Variants in IMMP2L observed in about 807,000 individuals in gnomAD.
IMMP2L encodes inner mitochondrial membrane peptidase subunit 2.
In IMMP2L, 18 loss-of-function variants were observed where a neutral mutation model predicts 19.3. That is an observed-to-expected ratio of 0.93 (90% CI 0.64 to 1.38). IMMP2L has a LOEUF of 1.38. IMMP2L is among the 40% of genes most tolerant of loss of function. The pLI is 0.00. For synonymous variants in IMMP2L, 76 were observed against 73.0 expected, an observed-to-expected ratio of 1.04 and a Z score of -0.21; for missense variants, 233 against 218.2, an observed-to-expected ratio of 1.07 and a Z score of -0.43.
chr7:111,205,939 C>T (rs1189894597), intron 3 of IMMP2L, among the ~76,000 whole-genome samples: 9 of 152,144 alleles, frequency 5.9e-5, no homozygotes. Context: ...TGGCTGGAAG[C>T]CTTTATGCAT....
intron 3 of IMMP2L, among the ~76,000 whole-genome samples, chr7:111,190,516 A>T (rs1445324885): frequency 6.6e-6 from 1 of 152,176 alleles, no homozygotes; most frequent in African/African-American, 2.4e-5. Context: ...TCACTCCGTT[A>T]TGCACCAATA....
In IMMP2L at chr7:111,167,923, A is replaced by AT. The variant is rs569982054; in HGVS notation, c.240-204359dup. On this transcript the variant is annotated intron_variant, in intron 3 of 5. Transcript: ENST00000405709. Reference sequence around the variant, plus strand: ...ACCTTTTCCATTAACTACTCTGCTTATTTTTTTTATTTTGCAGATCTCTGC... The same window carrying AT: ...ACCTTTTCCATTAACTACTCTGCTTATTTTTTTTTATTTTGCAGATCTCTGC... 1.4e-3 allele frequency among the ~76,000 whole-genome samples: 205 copies of AT among 151,702 alleles called. 1 individual carries two copies. The highest frequency in any genetic ancestry group is 4.7e-3 in the African/African-American group (196 of 41,418).
intron 3 of IMMP2L, among the ~76,000 whole-genome samples, chr7:110,967,627 C>T (rs914897128): frequency 1.3e-5 from 2 of 152,016 alleles, no homozygotes; most frequent in Non-Finnish European, 2.9e-5. Flanking sequence ...ACACTATTTA[C>T]ATTGCATATA....
At chr7:110,694,879 TC>T (rs890560299) in intron 5 of IMMP2L, among the ~76,000 whole-genome samples, 3 of 151,764 alleles carry the variant, frequency 2.0e-5, no homozygotes, top group Non-Finnish European at 4.4e-5. Flanking sequence ...AAAAGATTAT[TC>T]ATCTATAAAA....
At chr7:111,169,017 C>T (rs1233257407) in intron 3 of IMMP2L, among the ~76,000 whole-genome samples, 1 of 151,344 alleles carries the variant, frequency 6.6e-6, no homozygotes, top group Admixed American at 6.6e-5. Flanking sequence ...TGTTAAGGGG[C>T]CCTTACCCGA....
chr7:111,013,571 AAGG>A (rs1825197769), intron 3 of IMMP2L, among the ~76,000 whole-genome samples: 1 of 152,168 alleles, frequency 6.6e-6, no homozygotes, highest in Admixed American at 6.6e-5. Flanking sequence ...AGGAACACAG[AAGG>A]AGGAGAAGAG....
intron 3 of IMMP2L, among the ~76,000 whole-genome samples, chr7:110,988,864 G>A (rs554705610): frequency 6.6e-6 from 1 of 152,158 alleles, no homozygotes; most frequent in Non-Finnish European, 1.5e-5. Context: ...CATAAATATA[G>A]TATGTTCAAT....
chr7:110,994,879 A>G (rs991616237), intron 3 of IMMP2L, among the ~76,000 whole-genome samples: 1 of 152,272 alleles, frequency 6.6e-6, no homozygotes, highest in South Asian at 2.1e-4. Flanking sequence ...TAATGATAGA[A>G]GAAAGGTTCA....
chr7:111,010,950 AAG>A (rs199512135), intron 3 of IMMP2L, among the ~76,000 whole-genome samples: 11 of 120,984 alleles, frequency 9.1e-5, no homozygotes, highest in South Asian at 2.3e-4. Context: ...CAAAAAAAAA[AAG>A]GTCAAGATAC....
chr7:110,719,422 C>CATAGAAAATTGATCAGG (rs879630728), intron 5 of IMMP2L, among the ~76,000 whole-genome samples: 33 of 151,986 alleles, frequency 2.2e-4, no homozygotes, highest in Non-Finnish European at 3.7e-4. Context: ...CCAAGGGTAC[C>CATAGAAAATTGATCAGG]ATAGAAAATT....
chr7:110,940,346 A>T (rs969383641), intron 4 of IMMP2L, among the ~76,000 whole-genome samples: 1 of 151,964 alleles, frequency 6.6e-6, no homozygotes, highest in Admixed American at 6.6e-5. Context: ...TAAAATAAAC[A>T]TTTATATAAC....
At chr7:111,146,801 T>G (rs910763265) in intron 3 of IMMP2L, among the ~76,000 whole-genome samples, 2 of 152,122 alleles carry the variant, frequency 1.3e-5, no homozygotes, top group African/African-American at 2.4e-5. Flanking sequence ...GCAATTGAAT[T>G]AGATGTGTTC....
intron 3 of IMMP2L, among the ~76,000 whole-genome samples, chr7:111,134,559 G>C (rs1802155666): frequency 6.6e-6 from 1 of 151,906 alleles, no homozygotes; most frequent in South Asian, 2.1e-4. Flanking sequence ...CATTTTTATA[G>C]TATTAACTTA....
At chr7:110,912,859 C>G (rs759109812) in intron 4 of IMMP2L, among the ~76,000 whole-genome samples, 30 of 151,884 alleles carry the variant, frequency 2.0e-4, no homozygotes, top group Non-Finnish European at 3.7e-4. Flanking sequence ...CCCTCACAAC[C>G]CACACTATGA....
intron 4 of IMMP2L, among the ~76,000 whole-genome samples, chr7:110,920,253 C>T (rs1161716631): frequency 6.6e-6 from 1 of 152,160 alleles, no homozygotes; most frequent in Non-Finnish European, 1.5e-5. Flanking sequence ...TTTATATATA[C>T]ATGTATCCTA....
rs548159615 is a variant in IMMP2L at position 110,918,707 on chromosome 7, C to G, written c.306-32012G>C. Among the ~76,000 whole-genome samples, 1,347 of 151,984 alleles carry G rather than the reference C, an allele frequency of 8.9e-3. 15 individuals carry two copies. Among genetic ancestry groups the G allele is most frequent in the Admixed American group, 0.018 (275 of 15,266 alleles). The stretch of plus-strand genomic sequence containing the variant: ...CTGACCTCATGATCTGCCCACCTCG[C>G]CCTCTCAAAGTGCTGAGATTAAAGG... On this transcript the variant is annotated intron_variant, in intron 4 of 5. Coordinates refer to ENST00000405709, the MANE Select transcript of IMMP2L (RefSeq NM_032549.4).
intron 3 of IMMP2L, among the ~76,000 whole-genome samples, chr7:111,024,713 T>C (rs1826642499): frequency 6.6e-6 from 1 of 152,198 alleles, no homozygotes; most frequent in African/African-American, 2.4e-5. Flanking sequence ...ATCACACATC[T>C]AGAAGCCCCT....
chr7:111,316,919 G>A (rs1030513802), intron 3 of IMMP2L, among the ~76,000 whole-genome samples: 5 of 142,902 alleles, frequency 3.5e-5, no homozygotes, highest in African/African-American at 1.1e-4. Flanking sequence ...GCGAGATCTC[G>A]GCTCACTGCA....
chr7:111,064,651 G>T (rs1794326729), intron 3 of IMMP2L, among the ~76,000 whole-genome samples: 1 of 152,074 alleles, frequency 6.6e-6, no homozygotes, highest in Non-Finnish European at 1.5e-5. Flanking sequence ...CTTAAATCCA[G>T]AGGGGGAAAT....
Sources: gnomAD v4.1 joint callset for allele counts (sites outside exome capture counted in the v4.1 genomes callset) on GRCh38, gnomAD v4.1.1 for gene constraint, MANE v1.5 for transcripts, NCBI Gene and HGNC (gene_info 2026-07-23, HGNC 2026-07-21) for gene names.